DLG1: variants seen among roughly 807,000 people sequenced by gnomAD.
DLG1 encodes the protein discs large MAGUK scaffold protein 1, also known as disks large homolog 1.
DLG1 carries 42 observed loss-of-function variants against 123.4 expected under a neutral mutation model. The ratio of observed to expected loss-of-function variants is 0.34; its 90% CI spans 0.27 to 0.44. DLG1 has a LOEUF of 0.44. Ranked by LOEUF, DLG1 falls within the 20% of genes least tolerant of loss-of-function variation. The pLI is 1.00. For missense variants in DLG1, 942 were observed against 1,082.6 expected (o/e 0.87, Z 1.82); for synonymous variants, 317 against 356.2 (o/e 0.89, Z 1.24).
chr3:197,221,255 C>T (rs1736845155), intron 4 of DLG1, among the ~76,000 whole-genome samples: 2 of 152,278 alleles, frequency 1.3e-5, no homozygotes, highest in South Asian at 4.1e-4. Flanking sequence ...TGGTGGCTCA[C>T]GCCTGTAATC....
intron 23 of DLG1, among the ~76,000 whole-genome samples, chr3:197,052,159 A>C (rs1041951773): frequency 6.6e-6 from 1 of 152,088 alleles, no homozygotes; most frequent in African/African-American, 2.4e-5. Context: ...GGATTTTTAA[A>C]AATAAAAATA....
intron 5 of DLG1, among the ~76,000 whole-genome samples, chr3:197,173,036 T>C (rs1226632463): frequency 6.6e-6 from 1 of 152,186 alleles, no homozygotes; most frequent in Non-Finnish European, 1.5e-5. Flanking sequence ...TTCTGTAAGT[T>C]AGTCTCGATT....
chr3:197,056,849 T>C (rs1381451585), intron 23 of DLG1, among the ~76,000 whole-genome samples: 1 of 152,212 alleles, frequency 6.6e-6, no homozygotes, highest in Non-Finnish European at 1.5e-5. Flanking sequence ...TAACCTCTAT[T>C]TGACTTCTAT....
intron 12 of DLG1, among the ~76,000 whole-genome samples, 160 bp downstream of exon 12, chr3:197,119,250 C>T (rs1188205575): frequency 6.6e-6 from 1 of 152,090 alleles, no homozygotes; most frequent in Non-Finnish European, 1.5e-5. Flanking sequence ...ATATTTCAGG[C>T]TCTTCAATGA....
intron 19 of DLG1, chr3:197,068,383 C>CAA: frequency 1.7e-5 from 11 of 628,630 alleles, no homozygotes; most frequent in Admixed American, 6.3e-5. Flanking sequence ...ATTTCCACAC[C>CAA]AAAAAAAAAA....
At chr3:197,247,273 G>A (rs1408432199) in intron 4 of DLG1, among the ~76,000 whole-genome samples, 4 of 152,304 alleles carry the variant, frequency 2.6e-5, no homozygotes, top group East Asian at 3.9e-4. Context: ...AGACTCAGGC[G>A]TGTGGTTAGG....
intron 4 of DLG1, among the ~76,000 whole-genome samples, chr3:197,235,956 T>G (rs1050440158): frequency 6.6e-6 from 1 of 151,608 alleles, no homozygotes; most frequent in Non-Finnish European, 1.5e-5. Flanking sequence ...TGGAATGAGG[T>G]TTTAAACGTG....
chr3:197,089,599 T>C (rs1043250798), intron 15 of DLG1, among the ~76,000 whole-genome samples: 2 of 151,348 alleles, frequency 1.3e-5, no homozygotes, highest in African/African-American at 4.8e-5. Context: ...ATTCACTAAA[T>C]GTACCGAAAA....
chr3:197,122,985 A>C (rs1777226319), intron 11 of DLG1, among the ~76,000 whole-genome samples: 1 of 152,094 alleles, frequency 6.6e-6, no homozygotes, highest in African/African-American at 2.4e-5. Context: ...AAAGACAAAT[A>C]GTTCAATGAA....
chr3:197,075,832 C>T, intron 18 of DLG1: 2 of 1,611,354 alleles, frequency 1.2e-6, no homozygotes, highest in Non-Finnish European at 1.7e-6. Flanking sequence ...ATTTTGATCA[C>T]TTACTCAGGC....
chr3:197,130,961 C>T (rs913763763), intron 10 of DLG1, among the ~76,000 whole-genome samples: 2 of 152,006 alleles, frequency 1.3e-5, no homozygotes, highest in Non-Finnish European at 2.9e-5. Context: ...TGTGTGGATG[C>T]GTTTTAGACA....
chr3:197,057,485 T>A (rs1319537340), intron 23 of DLG1, among the ~76,000 whole-genome samples: 3 of 152,256 alleles, frequency 2.0e-5, no homozygotes, highest in African/African-American at 7.2e-5. Context: ...GACTTCTGGG[T>A]CATAACTCGT....
chr3:197,158,443 A>G (rs1416671681), intron 5 of DLG1, among the ~76,000 whole-genome samples: 3 of 137,124 alleles, frequency 2.2e-5, no homozygotes, highest in Non-Finnish European at 3.1e-5. Context: ...ACCAACATGG[A>G]GAAACCTCGT....
intron 4 of DLG1, among the ~76,000 whole-genome samples, chr3:197,239,843 T>TAAAAAAAAAAAAAAAAAAAA (rs3035903): frequency 7.5e-6 from 1 of 133,984 alleles, no homozygotes; most frequent in African/African-American, 2.9e-5. Context: ...ACAGAAAAGT[T>TAAAAAAAAAAAAAAAAAAAA]AAAAAAAAAA....
intron 5 of DLG1, among the ~76,000 whole-genome samples, chr3:197,162,721 T>C (rs1364664356): frequency 6.6e-6 from 1 of 152,192 alleles, no homozygotes; most frequent in Non-Finnish European, 1.5e-5. Context: ...TAACTCAAAA[T>C]TGATTAACAA....
intron 5 of DLG1, among the ~76,000 whole-genome samples, chr3:197,162,590 G>A (rs1036876833): frequency 1.3e-5 from 2 of 152,062 alleles, no homozygotes; most frequent in African/African-American, 4.8e-5. Context: ...TACCAAATTA[G>A]TCAAATTAAG....
intron 10 of DLG1, among the ~76,000 whole-genome samples, chr3:197,134,963 G>A (rs1280876729): frequency 6.6e-6 from 1 of 152,204 alleles, no homozygotes; most frequent in East Asian, 1.9e-4. Context: ...TTCTCTGGAT[G>A]GCTGGATGTA....
chr3:197,130,276 T>TA (rs1781836457), intron 11 of DLG1, among the ~76,000 whole-genome samples: 1 of 152,138 alleles, frequency 6.6e-6, no homozygotes, highest in South Asian at 2.1e-4. Flanking sequence ...GTTACTTACA[T>TA]AAAAGTTTGA....
intron 4 of DLG1, among the ~76,000 whole-genome samples, chr3:197,205,104 T>C (rs982348614): frequency 6.6e-6 from 1 of 152,122 alleles, no homozygotes; most frequent in Admixed American, 6.6e-5. Flanking sequence ...AAGCTATACA[T>C]GTGAAAAATG....
Sources: allele counts gnomAD v4.1 joint callset (sites outside exome capture counted in the v4.1 genomes callset), GRCh38; gene constraint gnomAD v4.1.1; transcripts MANE v1.5; gene names NCBI Gene and HGNC (gene_info 2026-07-23, HGNC 2026-07-21).